Variants in ERN1 observed in about 807,000 individuals in gnomAD.
ERN1 encodes the protein endoplasmic reticulum to nucleus signaling 1.
ERN1 carries 39 observed loss-of-function variants against 113.1 expected under a neutral mutation model. The ratio of observed to expected loss-of-function variants is 0.34; its 90% confidence interval spans 0.27 to 0.45. The LOEUF (loss-of-function observed/expected upper bound fraction) is 0.45. Ranked by LOEUF, ERN1 falls within the 20% of genes least tolerant of loss-of-function variation. The probability of loss-of-function intolerance (pLI) is 1.00; values close to 1 mark genes in which losing one functional copy is unlikely to be tolerated. For synonymous variants in ERN1, 507 were observed against 515.9 expected (o/e 0.98, Z 0.23); for missense variants, 976 against 1,274.8 (o/e 0.77, Z 3.57).
At position 64,054,474 on chromosome 17, in the gene ERN1, G is replaced by A; in HGVS notation, c.1764-35C>T. On this transcript the variant is annotated intron_variant, in intron 14 of 21. Transcript: ENST00000433197. This position sits in a 1 kb window ranked among gnomAD's most constrained non-coding sequence, Gnocchi z 4.9. The stretch of plus-strand genomic sequence containing the variant: ...GAGGAGTGGGAGTTGTGTCTGGGAA[G>A]CACGAGTCAGGCTGTGTAAATGAGG... 6.5e-7 allele frequency: 1 copy of A among 1,534,940 alleles called. No individual in the cohort carries two copies. Among genetic ancestry groups the A allele is most frequent in the South Asian group, 1.2e-5 (1 of 82,848 alleles).
intron 1 of ERN1, 48 bp downstream of exon 1, chr17:64,129,928 C>A: frequency 7.2e-7 from 1 of 1,379,992 alleles, no homozygotes; most frequent in Non-Finnish European, 9.3e-7. Flanking sequence ...CCGGCCCCGA[C>A]CCGGCCGTCG....
chr17:64,070,340 T>C (rs570695144), intron 6 of ERN1, among the ~76,000 whole-genome samples: 20 of 152,136 alleles, frequency 1.3e-4, no homozygotes, highest in Non-Finnish European at 2.1e-4. Context: ...CATGCAGCAA[T>C]AGATAATGGA....
chr17:64,074,036 C>G (rs1260151402), intron 5 of ERN1, among the ~76,000 whole-genome samples: 1 of 152,208 alleles, frequency 6.6e-6, no homozygotes, highest in Non-Finnish European at 1.5e-5. Flanking sequence ...GATCGCAACT[C>G]TGTTCTCACT....
chr17:64,050,822 T>C (rs143244705), intron 17 of ERN1, among the ~76,000 whole-genome samples: 1 of 152,350 alleles, frequency 6.6e-6, no homozygotes, highest in East Asian at 1.9e-4. Context: ...CGTGTTTTTA[T>C]GATTCTTCGC....
intron 2 of ERN1, among the ~76,000 whole-genome samples, chr17:64,089,690 C>T (rs375852832): frequency 6.6e-6 from 1 of 152,004 alleles, no homozygotes; most frequent in Admixed American, 6.6e-5. Context: ...CAGATAGACC[C>T]GAGCCGGGGT....
rs777714966 is a variant in ERN1, at chr17:64,098,248, C to T, written c.55-7G>A. 1.4e-5 allele frequency: 22 copies of T among 1,613,722 alleles called. No homozygotes were observed. Among genetic ancestry groups the T allele is most frequent in the East Asian group, 4.5e-5 (2 of 44,896 alleles). On this transcript the variant is annotated splice_polypyrimidine_tract_variant and splice_region_variant and intron_variant, in intron 1 of 21. Coordinates refer to ENST00000433197, the MANE Select transcript of ERN1 (RefSeq NM_001433.5). ...TGCTGGTACTTCCAAAAATCTGCAA[C>T]GAGATGTAGAAGACTCTTAATGTTG...
rs1229271481 is a variant in ERN1 at position 64,086,686 on chromosome 17, G to A, written c.176-5878C>T. 2.8e-5 allele frequency among the ~76,000 whole-genome samples: 3 copies of A among 108,022 alleles called. No individual in the cohort carries two copies. In the Admixed American group the frequency reaches 4.5e-4, roughly 16 times the overall value. 70.9% of individuals were successfully genotyped at this position (108,022 alleles called of 152,430 possible). On this transcript the variant is annotated intron_variant, in intron 2 of 21. Transcript: ENST00000433197. ...TTTTGAGATGGAGTCTCGCTCTGTC[G>A]CCCAGGCTGGAGTGCAGTGGCACAA...
At chr17:64,071,403 T>C (rs1913411132) in intron 6 of ERN1, among the ~76,000 whole-genome samples, 1 of 151,976 alleles carries the variant, frequency 6.6e-6, no homozygotes, top group African/African-American at 2.4e-5. Flanking sequence ...AGGTAGTTCA[T>C]CCTAATTGGG....
At chr17:64,097,865 A>G in intron 2 of ERN1, 1 of 425,214 alleles carries the variant, frequency 2.4e-6, no homozygotes, top group East Asian at 4.3e-5. Context: ...GCCTAGAGCC[A>G]TTTTAACATG....
intron 19 of ERN1, among the ~76,000 whole-genome samples, 180 bp from the exon 20 acceptor site, chr17:64,045,662 C>T (rs196918): frequency 0.95 from 144,981 of 152,116 alleles, 69,491 homozygotes; most frequent in East Asian, 1. Flanking sequence ...CTGTTCCTCA[C>T]GAAGCACAGG....
Position 64,073,551 on chromosome 17 carries a change from G to A in ERN1, c.356-1448C>T, listed in dbSNP as rs138050903. On this transcript the variant is annotated intron_variant, in intron 5 of 21. Coordinates refer to ENST00000433197, the MANE Select transcript of ERN1 (RefSeq NM_001433.5). ...CTGTCGCCCAGGCTGGAGTGCAGTG[G>A]TGCAATCTCAGCTCACTGCAACCTC... Among the ~76,000 whole-genome samples the A allele has an allele frequency of 4.7e-4, 71 of 151,688 alleles. 2 individuals carry two copies. In the East Asian group the frequency reaches 0.014, roughly 29 times the overall value.
rs1912309958 is a variant in ERN1 at position 64,040,704 on chromosome 17, C to T, written c.*3284G>A. 6.6e-6 allele frequency: 1 copy of T among 152,270 alleles called. No individual in the cohort carries two copies. The highest frequency in any genetic ancestry group is 6.5e-5 in the Admixed American group (1 of 15,284). The allele number at this position is 152,270 out of a possible 1,614,324, so 9.4% of individuals were successfully genotyped here. A position where few individuals can be genotyped will look rare whatever the true frequency, so the allele number is the denominator to read the frequency against. On this transcript the variant is annotated 3_prime_UTR_variant, in exon 22 of 22. Transcript: ENST00000433197. ...TCCTTGGAAGGGCCTCTGACCACCA[C>T]TGCACTGAGAACACGGCGGGAGTGA...
chr17:64,117,112 T>G (rs931713055), intron 1 of ERN1, among the ~76,000 whole-genome samples: 1 of 144,928 alleles, frequency 6.9e-6, no homozygotes, highest in Non-Finnish European at 1.5e-5. Context: ...TGAGATTCCA[T>G]CTCAAAAAAT....
At chr17:64,083,649 G>C (rs1245708949) in intron 2 of ERN1, among the ~76,000 whole-genome samples, 3 of 152,172 alleles carry the variant, frequency 2.0e-5, no homozygotes, top group African/African-American at 7.2e-5. Flanking sequence ...CTGAAATCAA[G>C]GTTTGGTCTC....
chr17:64,060,609 T>A (rs1913024037), intron 10 of ERN1, 22 bp from the exon 11 acceptor site: 1 of 1,558,516 alleles, frequency 6.4e-7, no homozygotes, highest in African/African-American at 1.4e-5. Flanking sequence ...AACAAAACCT[T>A]TAGTGAGAAC....
At chr17:64,086,775 T>C (rs1913943854) in intron 2 of ERN1, among the ~76,000 whole-genome samples, 2 of 150,438 alleles carry the variant, frequency 1.3e-5, no homozygotes, top group Admixed American at 6.7e-5. Flanking sequence ...GCCTACCGAG[T>C]AGCTGGGACT....
At chr17:64,101,306 C>G (rs141975149) in intron 1 of ERN1, among the ~76,000 whole-genome samples, 1 of 151,844 alleles carries the variant, frequency 6.6e-6, no homozygotes, top group African/African-American at 2.4e-5. Flanking sequence ...CTACTAGAGA[C>G]GCTGAGGCAG....
chr17:64,068,202 C>G lies in ERN1; in HGVS notation c.568G>C (p.Asp190His). 1 of 1,608,968 alleles carries G rather than the reference C, an allele frequency of 6.2e-7. No homozygotes were observed. The highest frequency in any genetic ancestry group is 8.5e-7 in the Non-Finnish European group (1 of 1,177,612). The change falls in exon 7 of 22, where the codon GAC becomes CAC. Residue 190 changes from aspartate (D) to histidine (H), a missense_variant. Transcript: ENST00000433197. ...AGAGAGCACTTACTGTAGTCCACGT[C>G]GTCCTCAGGCAGTGAGGCCGCATAG... ...FDYAASLPED[D>H]VDYKMSHFVS... is the part of the protein sequence containing the mutation.
chr17:64,130,079 C>T lies in ERN1; in HGVS notation c.-50G>A, dbSNP rs1915200509. Reference sequence around the variant, plus strand: ...GGGGCGGTACGGACAGAGGACGGGGCGGGGGCGCCGCGACGACAGCGAGGC... The same window carrying T: ...GGGGCGGTACGGACAGAGGACGGGGTGGGGGCGCCGCGACGACAGCGAGGC... On this transcript the variant is annotated 5_prime_UTR_variant, in exon 1 of 22. Coordinates refer to ENST00000433197, the MANE Select transcript of ERN1 (RefSeq NM_001433.5). The surrounding 1 kb of genome is among the most constrained non-coding windows in gnomAD (Gnocchi z 4.0). The T allele has an allele frequency of 2.3e-6, 3 of 1,327,304 alleles. No individual in the cohort carries two copies. The highest frequency in any genetic ancestry group is 4.0e-5 in the Admixed American group (1 of 24,938). 82.2% of individuals were successfully genotyped at this position (1,327,304 alleles called of 1,614,324 possible). A position where few individuals can be genotyped will look rare whatever the true frequency, so the allele number is the denominator to read the frequency against.
Sources: gnomAD v4.1 joint callset for allele counts (sites outside exome capture counted in the v4.1 genomes callset) on GRCh38, gnomAD v4.1.1 for gene constraint, Gnocchi (gnomAD v3.1) non-coding constraint, MANE v1.5 for transcripts, NCBI Gene and HGNC (gene_info 2026-07-23, HGNC 2026-07-21) for gene names.